Variants in URB1 observed in about 807,000 individuals in gnomAD.
URB1 encodes the protein URB1 ribosome biogenesis factor.
In URB1, 197 loss-of-function variants were observed where a neutral mutation model predicts 242.3. The observed-to-expected ratio is 0.81, with a 90% CI of 0.72 to 0.91. The LOEUF is 0.91. Ranked by LOEUF, URB1 falls within the 40% of genes least tolerant of loss-of-function variation. URB1 has a pLI of 0.00. For missense variants in URB1, 2,721 were observed against 2,860.5 expected, an observed-to-expected ratio of 0.95 and a Z score of 1.11; for synonymous variants, 1,153 against 1,201.8, an observed-to-expected ratio of 0.96 and a Z score of 0.84.
At chr21:32,325,684 C>T (rs1480517919) in intron 30 of URB1, among the ~76,000 whole-genome samples, 5 of 152,228 alleles carry the variant, frequency 3.3e-5, no homozygotes, top group Non-Finnish European at 2.9e-5. Context: ...GGAGGTGACA[C>T]TGAGACCCAC....
chr21:32,323,566 A>C (rs2032792724), intron 32 of URB1, among the ~76,000 whole-genome samples: 1 of 152,334 alleles, frequency 6.6e-6, no homozygotes, highest in South Asian at 2.1e-4. Context: ...AAAGCTTTGT[A>C]GCTAAGGACC....
intron 2 of URB1, 114 bp from the exon 3 acceptor site, chr21:32,384,578 C>G (rs2033561222): frequency 7.5e-7 from 1 of 1,335,988 alleles, no homozygotes; most frequent in Admixed American, 2.4e-5. Flanking sequence ...CTTCAACATG[C>G]AGGATGACGC....
In URB1 at chr21:32,359,784, T is replaced by C. The variant is rs910234539; in HGVS notation, c.1869+12A>G. The C allele has an allele frequency of 2.6e-6, 4 of 1,533,280 alleles. No individual in the cohort carries two copies. The Admixed American group carries it at 6.8e-5, about 26-fold the overall frequency. 95.0% of individuals were successfully genotyped at this position (1,533,280 alleles called of 1,614,324 possible). A position where few individuals can be genotyped will look rare whatever the true frequency, so the allele number is the denominator to read the frequency against. ...AAGCTTAGGGCAGAAGACTGGGAGT[T>C]CTGCTTCCTACCTGTGCCTTTAACC... On this transcript the variant is annotated intron_variant, in intron 14 of 38. Transcript: ENST00000382751.
At chr21:32,333,219 G>T in intron 30 of URB1, 98 bp downstream of exon 30, 3 of 950,686 alleles carry the variant, frequency 3.2e-6, no homozygotes, top group Non-Finnish European at 5.0e-6. Context: ...CAAGATTCAG[G>T]TCCTCATGTG....
chr21:32,318,892 T>C (rs186756599), intron 36 of URB1, among the ~76,000 whole-genome samples: 36 of 152,282 alleles, frequency 2.4e-4, no homozygotes, highest in Admixed American at 4.6e-4. Flanking sequence ...ATTCAAGTGT[T>C]TGAATCACAG....
intron 28 of URB1, among the ~76,000 whole-genome samples, chr21:32,335,027 C>A (rs2032941838): frequency 6.6e-6 from 1 of 152,148 alleles, no homozygotes; most frequent in Non-Finnish European, 1.5e-5. Flanking sequence ...TGCTGCCCCG[C>A]TGCTGCCAGG....
At chr21:32,338,625 G>T in intron 26 of URB1, 82 bp downstream of exon 26, 1 of 1,455,056 alleles carries the variant, frequency 6.9e-7, no homozygotes, top group East Asian at 2.5e-5. Flanking sequence ...GCCGGAGGGA[G>T]ATGAGCCTCA....
chr21:32,316,375 A>T, intron 38 of URB1, 91 bp downstream of exon 38: 1 of 1,438,738 alleles, frequency 7.0e-7, no homozygotes, highest in Non-Finnish European at 9.1e-7. Context: ...GTCAGCAGAA[A>T]CCTGAGTGTT....
chr21:32,311,799 G>A lies in URB1; in HGVS notation c.*3119C>T, dbSNP rs139379303. 35 of 1,613,968 alleles carry A rather than the reference G, an allele frequency of 2.2e-5. No homozygotes were observed. Among genetic ancestry groups the A allele is most frequent in the Middle Eastern group, 3.3e-4 (2 of 6,084 alleles). On this transcript the variant is annotated 3_prime_UTR_variant, in exon 39 of 39. Coordinates refer to ENST00000382751, the MANE Select transcript of URB1 (RefSeq NM_014825.3). ...ACCCCTGGCAACCTCACAGGCTCAG[G>A]CGAGCTCAGTGGAGCCAGGGAGCAG...
intron 2 of URB1, among the ~76,000 whole-genome samples, chr21:32,385,042 T>C (rs1245375319): frequency 6.6e-6 from 1 of 150,960 alleles, no homozygotes. Context: ...AAAGAACAGC[T>C]TGTTTACAAT....
At chr21:32,320,732 A>C in intron 34 of URB1, 92 bp from the exon 35 acceptor site, 1 of 927,066 alleles carries the variant, frequency 1.1e-6, no homozygotes, top group Non-Finnish European at 1.7e-6. Context: ...GTATGGTGCC[A>C]TTACAGGTGG....
Position 32,337,401 on chromosome 21 carries a change from C to T in URB1, c.4621+3G>A. ...TCACACTACCCAGCCCTCACACCCT[C>T]ACCTAGGACGCTGAGAGTGGCGCCA... On this transcript the variant is annotated splice_donor_region_variant and intron_variant, in intron 27 of 38. Transcript: ENST00000382751. The T allele has an allele frequency of 2.6e-6, 4 of 1,550,986 alleles. No homozygotes were observed. The highest frequency in any genetic ancestry group is 3.5e-6 in the Non-Finnish European group (4 of 1,146,496).
In URB1 at chr21:32,311,843, G is replaced by T. The variant is rs150008653; in HGVS notation, c.*3075C>A. 9 of 1,613,994 alleles carry T rather than the reference G, an allele frequency of 5.6e-6. No individual in the cohort carries two copies. Among genetic ancestry groups the T allele is most frequent in the African/African-American group, 1.3e-5 (1 of 74,920 alleles). ...GGAGCAGAACTGGCCCTGACCAGCC[G>T]CTACGACAGGAGAGCTCCTCCACCT... On this transcript the variant is annotated 3_prime_UTR_variant, in exon 39 of 39. Coordinates refer to ENST00000382751, the MANE Select transcript of URB1 (RefSeq NM_014825.3).
chr21:32,375,181 C>A (rs2033445539), intron 6 of URB1, among the ~76,000 whole-genome samples: 1 of 152,222 alleles, frequency 6.6e-6, no homozygotes, highest in African/African-American at 2.4e-5. Flanking sequence ...CATGTCTGGA[C>A]ATCACTGGCT....
In URB1 at chr21:32,354,055, T is replaced by A; in HGVS notation, c.2294A>T (p.Asp765Val). The A allele has an allele frequency of 6.4e-7, 1 of 1,551,646 alleles. No homozygotes were observed. Among genetic ancestry groups the A allele is most frequent in the Non-Finnish European group, 8.7e-7 (1 of 1,146,986 alleles). ...DVLVEGSEGLDEEIGFTLSED... is the reference protein window; with the variant it reads ...DVLVEGSEGLVEEIGFTLSED... ...ACTCAACGTGAACCCTATTTCCTCA[T>A]CCAAGCCTTCACTGCCCTCCACCAG... Residue 765 changes from aspartate to valine, a missense_variant, in exon 18 of 39, where the codon GAT (aspartate) becomes GTT (valine). Transcript: ENST00000382751.
chr21:32,385,015 G>GAAAAGAAAAGA (rs553242971), intron 2 of URB1, among the ~76,000 whole-genome samples: 2 of 136,980 alleles, frequency 1.5e-5, no homozygotes, highest in African/African-American at 5.9e-5. Flanking sequence ...AGAAAAGAAA[G>GAAAAGAAAAGA]AAAGAAAGAA....
intron 34 of URB1, 103 bp downstream of exon 34, chr21:32,321,698 G>T: frequency 6.7e-7 from 1 of 1,490,106 alleles, no homozygotes; most frequent in Non-Finnish European, 9.0e-7. Flanking sequence ...GGTCGGTCGT[G>T]TCCAGGCTGG....
chr21:32,352,557 T>C lies in URB1; in HGVS notation c.2613+153A>G, dbSNP rs1601140006. ...GTTAGCTGAGCACCAGGGATACTAC[T>C]TAGCTTCCTCTCTTATGCAGGGGAC... is the stretch of plus-strand genomic sequence containing the variant. On this transcript the variant is annotated intron_variant, in intron 19 of 38. Coordinates refer to ENST00000382751, the MANE Select transcript of URB1 (RefSeq NM_014825.3). Among the ~76,000 whole-genome samples, 3 of 152,216 alleles carry C rather than the reference T, an allele frequency of 2.0e-5. No individual in the cohort carries two copies. The South Asian group carries it at 6.2e-4, about 32-fold the overall frequency.
At chr21:32,360,454 T>G (rs546102942) in intron 13 of URB1, among the ~76,000 whole-genome samples, 2 of 152,314 alleles carry the variant, frequency 1.3e-5, no homozygotes, top group African/African-American at 4.8e-5. Context: ...AAAGGAGTAT[T>G]TCAATAGCTC....
Sources: gnomAD v4.1 joint callset for allele counts (sites outside exome capture counted in the v4.1 genomes callset) on GRCh38, gnomAD v4.1.1 for gene constraint, MANE v1.5 for transcripts, NCBI Gene and HGNC (gene_info 2026-07-23, HGNC 2026-07-21) for gene names.